ADAM22: variants seen among roughly 807,000 people sequenced by gnomAD.
ADAM22 encodes the protein ADAM metallopeptidase domain 22, also known as disintegrin and metalloproteinase domain-containing protein 22.
In ADAM22, 65 loss-of-function variants were observed where a neutral mutation model predicts 144.6. The observed-to-expected ratio is 0.45, with a 90% CI of 0.37 to 0.55. The LOEUF is 0.55. Ranked by LOEUF, ADAM22 falls within the 20% of genes least tolerant of loss-of-function variation. ADAM22 has a pLI of 0.00. For synonymous variants in ADAM22, 391 were observed against 412.6 expected (o/e 0.95, Z 0.63); for missense variants, 974 against 1,184.9 (o/e 0.82, Z 2.61).
In ADAM22 at chr7:88,147,019, T is replaced by G. The variant is rs547806289; in HGVS notation, c.1485+1512T>G. 1.3e-3 allele frequency among the ~76,000 whole-genome samples: 204 copies of G among 152,366 alleles called. 2 individuals are homozygous for G. Among genetic ancestry groups the G allele is most frequent in the African/African-American group, 4.7e-3 (195 of 41,596 alleles). On this transcript the variant is annotated intron_variant, in intron 17 of 31. Coordinates refer to ENST00000413139, the MANE Select transcript of ADAM22 (RefSeq NM_001324418.2). ...TTATTTATCTTAATCCTCAATGTTT[T>G]AAGTCTGCCCATCTACAAAATGCAT...
intron 4 of ADAM22, among the ~76,000 whole-genome samples, chr7:88,086,355 T>G (rs1226399149): frequency 6.6e-6 from 1 of 152,200 alleles, no homozygotes; most frequent in Non-Finnish European, 1.5e-5. Context: ...TGATTGTTCC[T>G]TAACATAATG....
chr7:88,151,094 C>G (rs536379129), intron 19 of ADAM22, 63 bp downstream of exon 19: 4 of 1,563,382 alleles, frequency 2.6e-6, no homozygotes, highest in Non-Finnish European at 1.8e-6. Flanking sequence ...ATACTGAAAT[C>G]TTATCAAAAT....
At chr7:88,060,853 C>T (rs1460378080) in intron 3 of ADAM22, among the ~76,000 whole-genome samples, 1 of 151,062 alleles carries the variant, frequency 6.6e-6, no homozygotes, top group Non-Finnish European at 1.5e-5. Flanking sequence ...CCTGTAATCC[C>T]AGCACTTTGG....
intron 22 of ADAM22, among the ~76,000 whole-genome samples, chr7:88,159,772 C>T (rs553692324): frequency 1.3e-5 from 2 of 152,016 alleles, no homozygotes; most frequent in Non-Finnish European, 2.9e-5. Context: ...TAAGAGCCAT[C>T]TATGACAAAC....
intron 2 of ADAM22, among the ~76,000 whole-genome samples, chr7:87,935,899 G>A (rs939510914): frequency 6.6e-6 from 1 of 152,176 alleles, no homozygotes; most frequent in African/African-American, 2.4e-5. Context: ...GAAAATTACT[G>A]TGAATTTATT....
chr7:88,106,862 A>G (rs1824533058), intron 4 of ADAM22, among the ~76,000 whole-genome samples: 1 of 152,170 alleles, frequency 6.6e-6, no homozygotes, highest in Non-Finnish European at 1.5e-5. Flanking sequence ...TTTAAAGGTG[A>G]CATCCTAAGA....
At chr7:88,048,821 T>C (rs947894488) in intron 3 of ADAM22, among the ~76,000 whole-genome samples, 1 of 152,176 alleles carries the variant, frequency 6.6e-6, no homozygotes, top group South Asian at 2.1e-4. Flanking sequence ...ACCCTCTACA[T>C]TCTACAGATA....
intron 4 of ADAM22, among the ~76,000 whole-genome samples, chr7:88,097,151 C>CTTTTTTTTTTTTTT (rs1169759079): frequency 7.7e-6 from 1 of 129,220 alleles, no homozygotes; most frequent in African/African-American, 2.9e-5. Context: ...TTTTTCTTTT[C>CTTTTTTTTTTTTTT]TTTTTTTTTT....
At chr7:87,945,668 G>A (rs1271287870) in intron 2 of ADAM22, among the ~76,000 whole-genome samples, 3 of 151,444 alleles carry the variant, frequency 2.0e-5, no homozygotes, top group Admixed American at 1.3e-4. Context: ...GCCTGCCACC[G>A]CACCCAGCTA....
At chr7:88,040,193 A>G (rs1802761049) in intron 3 of ADAM22, among the ~76,000 whole-genome samples, 1 of 151,852 alleles carries the variant, frequency 6.6e-6, no homozygotes, top group Non-Finnish European at 1.5e-5. Context: ...GTACAGTGGT[A>G]CAATCTTGGC....
intron 14 of ADAM22, among the ~76,000 whole-genome samples, chr7:88,141,554 A>G (rs915373434): frequency 1.3e-5 from 2 of 152,114 alleles, no homozygotes; most frequent in Non-Finnish European, 2.9e-5. Flanking sequence ...CTTTTTATCA[A>G]AGCTCAATGT....
chr7:87,981,596 C>T (rs1853441815), intron 3 of ADAM22, among the ~76,000 whole-genome samples: 1 of 151,994 alleles, frequency 6.6e-6, no homozygotes, highest in African/African-American at 2.4e-5. Flanking sequence ...ACAAGGAACA[C>T]CCAAATTCTG....
intron 22 of ADAM22, among the ~76,000 whole-genome samples, chr7:88,161,973 A>G (rs1019379859): frequency 6.6e-6 from 1 of 152,042 alleles, no homozygotes; most frequent in African/African-American, 2.4e-5. Context: ...CCAAAGGAAT[A>G]TAAATCATTC....
At chr7:88,189,243 C>G (rs3789238) in intron 30 of ADAM22, among the ~76,000 whole-genome samples, 17,605 of 152,102 alleles carry the variant, frequency 0.12, 1,774 homozygotes, top group East Asian at 0.48. Flanking sequence ...TCGCCACACC[C>G]AGATCCTGGA....
intron 14 of ADAM22, among the ~76,000 whole-genome samples, chr7:88,138,540 G>A (rs1360379145): frequency 6.6e-6 from 1 of 152,176 alleles, no homozygotes; most frequent in Non-Finnish European, 1.5e-5. Context: ...GTTCCCATGG[G>A]TACGTTCCCT....
At chr7:88,108,769 C>T (rs553688375) in intron 5 of ADAM22, among the ~76,000 whole-genome samples, 199 of 151,424 alleles carry the variant, frequency 1.3e-3, no homozygotes, top group Middle Eastern at 6.8e-3. Flanking sequence ...AAGAAAAGTC[C>T]TACATTTTGC....
intron 3 of ADAM22, among the ~76,000 whole-genome samples, chr7:88,002,600 G>A (rs1792836350): frequency 6.6e-6 from 1 of 152,182 alleles, no homozygotes; most frequent in African/African-American, 2.4e-5. Context: ...ATAATAGTTG[G>A]TGGGCATTCA....
In ADAM22 at chr7:87,982,068, T is replaced by TATATATATATATACACACACAC. The variant is rs1244517564; in HGVS notation, c.323+3657_323+3658insTATATATATATACACACACACA. Among the ~76,000 whole-genome samples the TATATATATATATACACACACAC allele has an allele frequency of 3.2e-5, 3 of 93,740 alleles. No homozygotes were observed. The East Asian group carries it at 1.1e-3, about 36-fold the overall frequency. The allele number at this position is 93,740 out of a possible 152,430, so 61.5% of individuals were successfully genotyped here. ...TCATATATATATATATATATATATA[T>TATATATATATATACACACACAC]ACACACACACACACACACACACACA... On this transcript the variant is annotated intron_variant, in intron 3 of 31. Transcript: ENST00000413139.
intron 3 of ADAM22, among the ~76,000 whole-genome samples, chr7:88,051,246 GC>G (rs1247518393): frequency 6.6e-6 from 1 of 152,138 alleles, no homozygotes; most frequent in African/African-American, 2.4e-5. Flanking sequence ...AAAGACACAT[GC>G]ACATGTATGT....
Sources: allele counts gnomAD v4.1 joint callset (sites outside exome capture counted in the v4.1 genomes callset), GRCh38; gene constraint gnomAD v4.1.1; transcripts MANE v1.5; gene names NCBI Gene and HGNC (gene_info 2026-07-23, HGNC 2026-07-21).